TSHZ1: variants seen among roughly 807,000 people sequenced by gnomAD.
TSHZ1 encodes the protein teashirt homolog 1.
TSHZ1 carries 12 observed loss-of-function variants against 67.1 expected under a neutral mutation model. That is an observed-to-expected ratio of 0.18 (90% CI 0.11 to 0.29). The LOEUF (loss-of-function observed/expected upper bound fraction) is 0.29. Among genes scored for constraint, TSHZ1 ranks in the 10% least tolerant of loss-of-function variants. The probability of loss-of-function intolerance (pLI) is 1.00; values close to 1 mark genes in which losing one functional copy is unlikely to be tolerated. For missense variants in TSHZ1, 1,305 were observed against 1,413.9 expected (o/e 0.92, Z 1.23); for synonymous variants, 632 against 622.4 (o/e 1.02, Z -0.23).
intron 1 of TSHZ1, among the ~76,000 whole-genome samples, chr18:75,225,549 C>T (rs976018807): frequency 6.6e-6 from 1 of 152,180 alleles, no homozygotes; most frequent in African/African-American, 2.4e-5. Context: ...CTCAGCAGGT[C>T]TTCTGAGAAC....
At chr18:75,220,588 G>A (rs1326355440) in intron 1 of TSHZ1, among the ~76,000 whole-genome samples, 1 of 152,192 alleles carries the variant, frequency 6.6e-6, no homozygotes, top group Non-Finnish European at 1.5e-5. Flanking sequence ...ACTGTTTATA[G>A]ATTCCATTGT....
Position 75,266,377 on chromosome 18 carries a change from A to C in TSHZ1, c.41-19071A>C, listed in dbSNP as rs1299268655. Among the ~76,000 whole-genome samples the C allele has an allele frequency of 2.0e-5, 3 of 152,232 alleles. No individual in the cohort carries two copies. In the East Asian group the frequency reaches 5.8e-4, roughly 29 times the overall value. On this transcript the variant is annotated intron_variant, in intron 1 of 1. Coordinates refer to ENST00000580243, the MANE Select transcript of TSHZ1 (RefSeq NM_001308210.2). ...CCTCCAAGTAAAAACAAGAATTCAC[A>C]GAGTACCCTTTCATTGAGTTCGTGT...
chr18:75,271,470 C>T (rs1213734256), intron 1 of TSHZ1, among the ~76,000 whole-genome samples: 1 of 152,174 alleles, frequency 6.6e-6, no homozygotes, highest in African/African-American at 2.4e-5. Context: ...GCAGAATTCA[C>T]TTCTCTGGGT....
chr18:75,252,245 T>C (rs1317173540), intron 1 of TSHZ1, among the ~76,000 whole-genome samples: 1 of 152,264 alleles, frequency 6.6e-6, no homozygotes, highest in Non-Finnish European at 1.5e-5. Flanking sequence ...GTAATTAATA[T>C]CTTTGTATGT....
intron 1 of TSHZ1, 67 bp from the exon 2 acceptor site, chr18:75,285,380 CT>C: frequency 7.1e-7 from 1 of 1,410,968 alleles, no homozygotes; most frequent in Non-Finnish European, 9.2e-7. Context: ...GATCATCTAA[CT>C]GCTGGGGAGG....
intron 1 of TSHZ1, among the ~76,000 whole-genome samples, chr18:75,212,163 G>A (rs1395847225): frequency 6.6e-6 from 1 of 152,118 alleles, no homozygotes; most frequent in Non-Finnish European, 1.5e-5. Flanking sequence ...AAGCCCGGAT[G>A]GCCGGGGGAG....
chr18:75,255,217 C>T lies in TSHZ1; in HGVS notation c.41-30231C>T, dbSNP rs959987707. 3.3e-5 allele frequency among the ~76,000 whole-genome samples: 5 copies of T among 152,046 alleles called. No individual in the cohort carries two copies. The South Asian group carries it at 6.2e-4, about 19-fold the overall frequency. On this transcript the variant is annotated intron_variant, in intron 1 of 1. Transcript: ENST00000580243. ...TAATATCGCATTTGGAAGAGGATGA[C>T]GCTCACTGTGTTGTTTCAGCATATG...
At chr18:75,240,862 A>G (rs1461790442) in intron 1 of TSHZ1, among the ~76,000 whole-genome samples, 2 of 152,262 alleles carry the variant, frequency 1.3e-5, no homozygotes, top group Admixed American at 1.3e-4. Flanking sequence ...CTTAAGAATC[A>G]GTAATTTTTA....
At chr18:75,237,881 C>T (rs564529129) in intron 1 of TSHZ1, among the ~76,000 whole-genome samples, 6 of 151,978 alleles carry the variant, frequency 3.9e-5, no homozygotes, top group African/African-American at 7.2e-5. Context: ...GGCGTGATCT[C>T]GCCTCTCTGC....
intron 1 of TSHZ1, among the ~76,000 whole-genome samples, chr18:75,236,643 A>G (rs2122543802): frequency 6.6e-6 from 1 of 152,276 alleles, no homozygotes; most frequent in African/African-American, 2.4e-5. Context: ...CGTTTTGTTC[A>G]TTGCCTGTAC....
intron 1 of TSHZ1, among the ~76,000 whole-genome samples, chr18:75,236,350 T>C (rs1368865882): frequency 6.6e-6 from 1 of 152,080 alleles, no homozygotes; most frequent in Non-Finnish European, 1.5e-5. Context: ...AGCTGCGTCT[T>C]CCCCGTGCCT....
At chr18:75,212,954 T>TA (rs1201843224) in intron 1 of TSHZ1, among the ~76,000 whole-genome samples, 1 of 152,242 alleles carries the variant, frequency 6.6e-6, no homozygotes, top group African/African-American at 2.4e-5. Flanking sequence ...CGCTAAATAA[T>TA]AGAGTAAATC....
At position 75,211,498 on chromosome 18, in the gene TSHZ1, C is replaced by CCAG. The variant is rs1478416075; in HGVS notation, c.-371_-369dup. On this transcript the variant is annotated 5_prime_UTR_variant, in exon 1 of 2. Transcript: ENST00000580243. ...GCGGCGCGCCGGGAGGAGCGCCCGC[C>CCAG]CAGCAGCAGCGCGGCGGCGGGGAGG... 1.4e-5 allele frequency: 2 copies of CCAG among 146,744 alleles called. No individual in the cohort carries two copies. Among genetic ancestry groups the CCAG allele is most frequent in the Non-Finnish European group, 3.0e-5 (2 of 66,174 alleles). The allele number at this position is 146,744 out of a possible 1,614,324, so 9.1% of individuals were successfully genotyped here.
intron 1 of TSHZ1, among the ~76,000 whole-genome samples, chr18:75,232,204 C>T (rs912297840): frequency 1.5e-4 from 23 of 152,164 alleles, no homozygotes; most frequent in South Asian, 2.1e-4. Context: ...TGAGCCACTG[C>T]GCCCGGACTT....
chr18:75,264,306 A>G (rs986386343), intron 1 of TSHZ1, among the ~76,000 whole-genome samples: 16 of 152,184 alleles, frequency 1.1e-4, no homozygotes, highest in Admixed American at 1.0e-3. Context: ...TGGATAGTTT[A>G]CCCTTAACGG....
At chr18:75,269,519 C>T (rs376189792) in intron 1 of TSHZ1, among the ~76,000 whole-genome samples, 1 of 152,094 alleles carries the variant, frequency 6.6e-6, no homozygotes, top group Non-Finnish European at 1.5e-5. Flanking sequence ...AATGCTGGAG[C>T]CTGTTTGTCG....
rs111634075 is a variant in TSHZ1 at position 75,280,831 on chromosome 18, C to T, written c.41-4617C>T. 4.8e-5 allele frequency: 47 copies of T among 985,372 alleles called. No homozygotes were observed. In the African/African-American group the frequency reaches 7.3e-4, roughly 15 times the overall value. The allele number at this position is 985,372 out of a possible 1,614,324, so 61.0% of individuals were successfully genotyped here. On this transcript the variant is annotated intron_variant, in intron 1 of 1. Coordinates refer to ENST00000580243, the MANE Select transcript of TSHZ1 (RefSeq NM_001308210.2). Reference sequence around the variant, plus strand: ...GACAGACAGGTAACAGCTCCAGATTCTTCCAGGAGTGGTGAATTCCGTGAG... The same window carrying T: ...GACAGACAGGTAACAGCTCCAGATTTTTCCAGGAGTGGTGAATTCCGTGAG...
At chr18:75,255,256 A>C (rs1042812778) in intron 1 of TSHZ1, among the ~76,000 whole-genome samples, 1 of 152,086 alleles carries the variant, frequency 6.6e-6, no homozygotes, top group Non-Finnish European at 1.5e-5. Flanking sequence ...GTCTGGTTGA[A>C]TTCACGTCTG....
chr18:75,226,898 C>A (rs1359505025), intron 1 of TSHZ1, among the ~76,000 whole-genome samples: 1 of 152,184 alleles, frequency 6.6e-6, no homozygotes, highest in African/African-American at 2.4e-5. Flanking sequence ...CTTCAACCTT[C>A]ACAGAATTAA....
Sources: allele counts gnomAD v4.1 joint callset (sites outside exome capture counted in the v4.1 genomes callset), GRCh38; gene constraint gnomAD v4.1.1; transcripts MANE v1.5; gene names NCBI Gene and HGNC (gene_info 2026-07-23, HGNC 2026-07-21).